The following LARP1B variants were observed in gnomAD, a reference collection of about 807,000 sequenced individuals.
LARP1B encodes la-related protein 1B.
LARP1B carries 76 observed loss-of-function variants against 114.2 expected under a neutral mutation model. That is an observed-to-expected ratio of 0.67 (90% CI 0.55 to 0.81). The LOEUF is 0.81. Ranked by LOEUF, LARP1B falls within the 30% of genes least tolerant of loss-of-function variation. The probability of loss-of-function intolerance (pLI) is 0.00; values close to 1 mark genes in which losing one functional copy is unlikely to be tolerated. For missense variants in LARP1B, 1,014 were observed against 1,075.8 expected (o/e 0.94, Z 0.80); for synonymous variants, 345 against 348.0 (o/e 0.99, Z 0.10).
intron 8 of LARP1B, among the ~76,000 whole-genome samples, chr4:128,105,517 CCTAT>C (rs1480541513): frequency 6.6e-6 from 1 of 152,150 alleles, no homozygotes. Context: ...AGGATTCTTT[CCTAT>C]CTTTCTCCAT....
chr4:128,063,984 G>T (rs967039705), intron 1 of LARP1B, among the ~76,000 whole-genome samples: 3 of 151,592 alleles, frequency 2.0e-5, no homozygotes, highest in Non-Finnish European at 4.4e-5. Flanking sequence ...TAAATGTAAG[G>T]CGATTGGCTG....
rs529768777 is a variant in LARP1B at position 128,163,448 on chromosome 4, G to C, written c.1648+1131G>C. On this transcript the variant is annotated intron_variant, in intron 12 of 19. Coordinates refer to ENST00000326639, the MANE Select transcript of LARP1B (RefSeq NM_018078.4). ...TCTTTTTGTAATGTTAGCAGTCATT[G>C]ATGATCAGTGAGTGAAGCTTTTATT... is the stretch of plus-strand genomic sequence containing the variant. Among the ~76,000 whole-genome samples, 3 of 152,238 alleles carry C rather than the reference G, an allele frequency of 2.0e-5. No individual in the cohort carries two copies. The South Asian group carries it at 6.2e-4, about 32-fold the overall frequency.
chr4:128,155,969 C>A, intron 11 of LARP1B: 1 of 1,528,600 alleles, frequency 6.5e-7, no homozygotes, highest in Non-Finnish European at 8.9e-7. Context: ...AGCCCGCCAG[C>A]CCCCTGCCGC....
chr4:128,167,331 A>G (rs557423378), intron 12 of LARP1B, among the ~76,000 whole-genome samples: 20 of 152,028 alleles, frequency 1.3e-4, no homozygotes, highest in Non-Finnish European at 2.9e-5. Flanking sequence ...GCACCAGTGC[A>G]CCTTTTCATA....
chr4:128,147,374 A>C (rs897754700), intron 11 of LARP1B, among the ~76,000 whole-genome samples: 2 of 152,226 alleles, frequency 1.3e-5, no homozygotes, highest in Admixed American at 1.3e-4. Flanking sequence ...ATTCTTTCAA[A>C]AAGTTCTCCC....
At chr4:128,114,819 G>A in intron 10 of LARP1B, 77 bp downstream of exon 10, 2 of 1,318,586 alleles carry the variant, frequency 1.5e-6, no homozygotes, top group Non-Finnish European at 1.0e-6. Flanking sequence ...TGTTTGTTAG[G>A]TACATATGTA....
intron 15 of LARP1B, among the ~76,000 whole-genome samples, chr4:128,193,598 TTTTTA>T (rs1476386946): frequency 3.9e-5 from 6 of 152,016 alleles, no homozygotes; most frequent in Admixed American, 3.9e-4. Flanking sequence ...TCCTACTCCT[TTTTTA>T]TTTTATTTTT....
chr4:128,122,650 T>C (rs1788394814), intron 11 of LARP1B: 1 of 1,439,754 alleles, frequency 6.9e-7, no homozygotes, highest in Non-Finnish European at 9.1e-7. Flanking sequence ...ACTTAGTCTA[T>C]GGTGCATGAT....
intron 1 of LARP1B, among the ~76,000 whole-genome samples, chr4:128,072,226 C>T (rs1765645451): frequency 6.6e-6 from 1 of 152,048 alleles, no homozygotes; most frequent in South Asian, 2.1e-4. Flanking sequence ...CTCTCAAACT[C>T]CTGACCTCAG....
intron 7 of LARP1B, among the ~76,000 whole-genome samples, chr4:128,093,757 C>CTGGA (rs1218428056): frequency 1.5e-5 from 2 of 137,210 alleles, no homozygotes; most frequent in Non-Finnish European, 3.0e-5. Context: ...GTTGTGCAGG[C>CTGGA]TGGAGTGCAA....
Position 128,210,292 on chromosome 4 carries a change from G to T in LARP1B, c.*239G>T. ...GATTTCACAAACAAGGATAGTCTTG[G>T]TGACCTTTTATAGAGATCTTCTAGT... On this transcript the variant is annotated 3_prime_UTR_variant, in exon 20 of 20. Coordinates refer to ENST00000326639, the MANE Select transcript of LARP1B (RefSeq NM_018078.4). 1.5e-6 allele frequency: 2 copies of T among 1,329,560 alleles called. No individual in the cohort carries two copies. The highest frequency in any genetic ancestry group is 3.1e-5 in the East Asian group (1 of 32,706). 82.4% of individuals were successfully genotyped at this position (1,329,560 alleles called of 1,614,324 possible).
chr4:128,128,509 A>G (rs1404392118), intron 11 of LARP1B, among the ~76,000 whole-genome samples: 1 of 152,194 alleles, frequency 6.6e-6, no homozygotes, highest in Admixed American at 6.5e-5. Context: ...GTTGGGCAAA[A>G]TCATTTAAAC....
At chr4:128,115,083 G>A (rs1431799619) in intron 10 of LARP1B, among the ~76,000 whole-genome samples, 2 of 152,058 alleles carry the variant, frequency 1.3e-5, no homozygotes, top group African/African-American at 4.8e-5. Context: ...GATTATAGGC[G>A]CGAGCCACCA....
At chr4:128,113,099 G>A (rs1454824373) in intron 9 of LARP1B, among the ~76,000 whole-genome samples, 1 of 152,118 alleles carries the variant, frequency 6.6e-6, no homozygotes, top group African/African-American at 2.4e-5. Flanking sequence ...AATTGACTTA[G>A]AGGAGTTAAT....
At chr4:128,083,384 T>C (rs1359472199) in intron 5 of LARP1B, among the ~76,000 whole-genome samples, 4 of 148,924 alleles carry the variant, frequency 2.7e-5, no homozygotes, top group African/African-American at 9.9e-5. Flanking sequence ...CACCTCCCAG[T>C]AGGGGCGGCT....
intron 16 of LARP1B, among the ~76,000 whole-genome samples, chr4:128,200,140 A>G (rs1275712363): frequency 6.6e-6 from 1 of 152,238 alleles, no homozygotes; most frequent in East Asian, 1.9e-4. Context: ...AGAGATATTT[A>G]TAATTTAAGC....
intron 1 of LARP1B, chr4:128,062,341 G>A (rs1352662348): frequency 4.1e-5 from 36 of 887,280 alleles, no homozygotes; most frequent in Non-Finnish European, 4.9e-5. Context: ...TCCCCTCCCT[G>A]TCAGTCGGAG....
At chr4:128,122,691 T>G in intron 11 of LARP1B, 1 of 1,313,606 alleles carries the variant, frequency 7.6e-7, no homozygotes, top group Non-Finnish European at 9.7e-7. Flanking sequence ...GTGGACAAAC[T>G]ATAAATGACT....
At chr4:128,074,220 G>T (rs1766915462) in intron 1 of LARP1B, among the ~76,000 whole-genome samples, 5 of 152,100 alleles carry the variant, frequency 3.3e-5, no homozygotes, top group Admixed American at 2.6e-4. Flanking sequence ...GATTACAGGC[G>T]TGAGCCACCC....
Sources: gnomAD v4.1 joint callset for allele counts (sites outside exome capture counted in the v4.1 genomes callset) on GRCh38, gnomAD v4.1.1 for gene constraint, MANE v1.5 for transcripts, NCBI Gene and HGNC (gene_info 2026-07-23, HGNC 2026-07-21) for gene names.